ST18: variants seen among roughly 807,000 people sequenced by gnomAD.
ST18 encodes ST18 C2H2C-type zinc finger transcription factor, also known as suppression of tumorigenicity 18 protein.
A neutral mutation model predicts 110.0 loss-of-function variants in ST18; 50 were observed. The ratio of observed to expected loss-of-function variants is 0.45; its 90% CI spans 0.36 to 0.58. The LOEUF is 0.58. Among genes scored for constraint, ST18 ranks in the 20% least tolerant of loss-of-function variants. ST18 has a pLI of 0.00. For missense variants in ST18, 1,306 were observed against 1,280.1 expected (o/e 1.02, Z -0.31); for synonymous variants, 461 against 452.4 (o/e 1.02, Z -0.24).
intron 2 of ST18, among the ~76,000 whole-genome samples, chr8:52,318,211 C>A (rs1280904460): frequency 1.3e-5 from 2 of 151,732 alleles, no homozygotes; most frequent in Non-Finnish European, 2.9e-5. Context: ...AAGAAAAAAA[C>A]AAACAACCCC....
At chr8:52,231,888 G>A (rs974342501) in intron 2 of ST18, among the ~76,000 whole-genome samples, 47 of 152,202 alleles carry the variant, frequency 3.1e-4, no homozygotes, top group African/African-American at 1.0e-3. Flanking sequence ...CAGAGCAGTG[G>A]CTCTGGAACA....
At chr8:52,152,785 C>T (rs1391212218) in intron 15 of ST18, among the ~76,000 whole-genome samples, 2 of 152,040 alleles carry the variant, frequency 1.3e-5, no homozygotes, top group African/African-American at 2.4e-5. Flanking sequence ...GTAATCCTTA[C>T]CTTTACTATA....
intron 15 of ST18, among the ~76,000 whole-genome samples, chr8:52,155,778 C>T (rs2059869787): frequency 2.0e-5 from 3 of 152,146 alleles, no homozygotes; most frequent in Admixed American, 6.5e-5. Context: ...TACAAAGCAC[C>T]AATTCAGATT....
chr8:52,193,341 T>C (rs944098983), intron 8 of ST18, among the ~76,000 whole-genome samples: 2 of 152,182 alleles, frequency 1.3e-5, no homozygotes, highest in African/African-American at 4.8e-5. Context: ...GGGGAGCTGA[T>C]GGGCGTTAGC....
chr8:52,269,673 T>C (rs978713016), intron 2 of ST18, among the ~76,000 whole-genome samples: 4 of 152,288 alleles, frequency 2.6e-5, no homozygotes, highest in Middle Eastern at 6.8e-3. Context: ...GAGTGACCCT[T>C]TTCTCTGCAC....
intron 5 of ST18, among the ~76,000 whole-genome samples, chr8:52,218,280 A>G (rs1390002215): frequency 6.6e-6 from 1 of 151,972 alleles, no homozygotes; most frequent in African/African-American, 2.4e-5. Context: ...AGAAAATGTC[A>G]TGGTGACCAC....
chr8:52,334,017 A>G (rs1466407879), intron 2 of ST18, among the ~76,000 whole-genome samples: 1 of 152,252 alleles, frequency 6.6e-6, no homozygotes, highest in Non-Finnish European at 1.5e-5. Flanking sequence ...CAGATATCGC[A>G]GGAGAGGCCC....
chr8:52,138,093 C>CAAAAAAAA (rs35928892), intron 17 of ST18, among the ~76,000 whole-genome samples: 1 of 59,564 alleles, frequency 1.7e-5, no homozygotes, highest in Non-Finnish European at 4.0e-5. Flanking sequence ...AACTCTGTCT[C>CAAAAAAAA]AAAAAAAAAA....
At chr8:52,384,908 C>A (rs1835974856) in intron 2 of ST18, among the ~76,000 whole-genome samples, 1 of 152,004 alleles carries the variant, frequency 6.6e-6, no homozygotes, top group African/African-American at 2.4e-5. Context: ...GGCATCAGTA[C>A]CTACACCGGG....
intron 17 of ST18, among the ~76,000 whole-genome samples, chr8:52,141,023 C>T (rs963000207): frequency 2.6e-5 from 4 of 152,164 alleles, no homozygotes; most frequent in African/African-American, 7.2e-5. Flanking sequence ...GGTCTCAAGT[C>T]ACTGAACCTG....
intron 12 of ST18, among the ~76,000 whole-genome samples, chr8:52,164,699 T>C (rs1306586524): frequency 6.6e-6 from 1 of 152,226 alleles, no homozygotes; most frequent in East Asian, 1.9e-4. Context: ...TGAAGTGATG[T>C]TTACCCTACA....
intron 2 of ST18, chr8:52,403,770 G>A (rs571859018): frequency 3.3e-4 from 51 of 152,260 alleles, no homozygotes; most frequent in African/African-American, 1.1e-3. Flanking sequence ...GGCACTTTTA[G>A]TCAGCCATCT....
chr8:52,171,716 A>T, intron 10 of ST18, 76 bp downstream of exon 10: 1 of 1,521,450 alleles, frequency 6.6e-7, no homozygotes, highest in Non-Finnish European at 9.0e-7. Context: ...TACCTGAAAA[A>T]AATAATCAAA....
At chr8:52,116,225 A>T (rs1228112454) in intron 25 of ST18, 50 bp downstream of exon 25, 5 of 1,587,306 alleles carry the variant, frequency 3.1e-6, no homozygotes, top group Non-Finnish European at 4.3e-6. Context: ...ATGCATGATG[A>T]CACTGCAAAT....
At chr8:52,382,648 G>A (rs1458543465) in intron 2 of ST18, among the ~76,000 whole-genome samples, 1 of 152,130 alleles carries the variant, frequency 6.6e-6, no homozygotes, top group African/African-American at 2.4e-5. Context: ...AAGGAAAGCA[G>A]AAGAGATTTT....
intron 2 of ST18, among the ~76,000 whole-genome samples, chr8:52,260,879 T>C (rs968312162): frequency 6.6e-6 from 1 of 152,250 alleles, no homozygotes; most frequent in African/African-American, 2.4e-5. Context: ...TGATTTGACA[T>C]AGTAGACCAC....
At chr8:52,214,702 G>C (rs74482423) in intron 6 of ST18, among the ~76,000 whole-genome samples, 1 of 151,948 alleles carries the variant, frequency 6.6e-6, no homozygotes, top group African/African-American at 2.4e-5. Flanking sequence ...ATGATTCCTC[G>C]TGTAAAAAAG....
At chr8:52,278,573 T>C (rs768162342) in intron 2 of ST18, among the ~76,000 whole-genome samples, 3 of 152,094 alleles carry the variant, frequency 2.0e-5, no homozygotes, top group Non-Finnish European at 4.4e-5. Context: ...CCCCAACCCC[T>C]GCTCCTTGGG....
intron 2 of ST18, among the ~76,000 whole-genome samples, chr8:52,296,729 T>G (rs1187731087): frequency 6.6e-6 from 1 of 152,176 alleles, no homozygotes; most frequent in Non-Finnish European, 1.5e-5. Flanking sequence ...ATAGAATCAG[T>G]ATATTTCCTT....
Sources: allele counts gnomAD v4.1 joint callset (sites outside exome capture counted in the v4.1 genomes callset), GRCh38; gene constraint gnomAD v4.1.1; transcripts MANE v1.5; gene names NCBI Gene and HGNC (gene_info 2026-07-23, HGNC 2026-07-21).